PCDH11X: variants seen among roughly 807,000 people sequenced by gnomAD.
PCDH11X encodes the protein protocadherin-11 X-linked.
In PCDH11X, 18 loss-of-function variants were observed where a neutral mutation model predicts 53.3. That is an observed-to-expected ratio of 0.34 (90% CI 0.23 to 0.50). PCDH11X has a LOEUF of 0.50. Ranked by LOEUF, PCDH11X falls within the 20% of genes least tolerant of loss-of-function variation. The pLI is 0.98. For synonymous variants in PCDH11X, 279 were observed against 393.3 expected (o/e 0.71, Z 3.44); for missense variants, 570 against 1,032.4 (o/e 0.55, Z 6.14).
At chrX:91,988,038 A>T (rs992467267) in intron 6 of PCDH11X, among the ~76,000 whole-genome samples, 2 of 110,994 alleles carry the variant, frequency 1.8e-5, no homozygotes, top group Non-Finnish European at 3.8e-5. Flanking sequence ...TTAAAATTTT[A>T]AAATTTAAAA....
chrX:92,490,987 A>G (rs912420723), intron 10 of PCDH11X, among the ~76,000 whole-genome samples: 1 of 108,720 alleles, frequency 9.2e-6, no homozygotes, highest in African/African-American at 3.3e-5. Context: ...AAGGTCAACT[A>G]GAAAAAACAA....
At chrX:92,411,710 T>C (rs942718278) in intron 9 of PCDH11X, among the ~76,000 whole-genome samples, 1 of 107,358 alleles carries the variant, frequency 9.3e-6, no homozygotes, top group African/African-American at 3.4e-5. Flanking sequence ...TTCAAGTCTT[T>C]GCTTTTGTAA....
Position 92,621,413 on chromosome X carries a change from C to T in PCDH11X, c.*2473C>T, listed in dbSNP as rs1408535161. 9.2e-6 allele frequency: 1 copy of T among 109,064 alleles called. No homozygotes were observed. Among genetic ancestry groups the T allele is most frequent in the Non-Finnish European group, 1.9e-5 (1 of 52,517 alleles). The allele number at this position is 109,064 out of a possible 1,213,427, so 9.0% of individuals were successfully genotyped here. ...GAATGAACCAATACGCTTTTATTAC[C>T]CTTTCTAACTCTGATTTTATAATCA... On this transcript the variant is annotated 3_prime_UTR_variant, in exon 11 of 11. Coordinates refer to ENST00000682573, the MANE Select transcript of PCDH11X (RefSeq NM_032968.5).
intron 6 of PCDH11X, among the ~76,000 whole-genome samples, chrX:92,036,948 G>A (rs1355108599): frequency 8.9e-6 from 1 of 111,853 alleles, no homozygotes; most frequent in Non-Finnish European, 1.9e-5. Context: ...TTAGCAAGGG[G>A]ACTGGCGGTA....
At chrX:92,342,701 G>T (rs1459637580) in intron 8 of PCDH11X, among the ~76,000 whole-genome samples, 3 of 110,968 alleles carry the variant, frequency 2.7e-5, no homozygotes, top group African/African-American at 9.8e-5. Flanking sequence ...CAAAAGGGGG[G>T]AGTGAGGGAG....
chrX:92,480,824 T>C (rs1440577429), intron 10 of PCDH11X, among the ~76,000 whole-genome samples: 2 of 111,823 alleles, frequency 1.8e-5, no homozygotes, highest in Admixed American at 9.5e-5. Context: ...TGTCCTTGTT[T>C]GCATGTGCCA....
rs777607212 is a variant in PCDH11X, at chrX:91,907,150, T to C, written c.3033+27877T>C. Among the ~76,000 whole-genome samples, 258 of 111,357 alleles carry C rather than the reference T, an allele frequency of 2.3e-3. 1 individual carries two copies. Among genetic ancestry groups the C allele is most frequent in the African/African-American group, 7.8e-3 (241 of 30,752 alleles). ...ATGACTAGTGAAAGTATAAAAATTA[T>C]GTGTACTACCACACTATTTACACTA... On this transcript the variant is annotated intron_variant, in intron 6 of 10. Coordinates refer to ENST00000682573, the MANE Select transcript of PCDH11X (RefSeq NM_032968.5).
At chrX:91,975,709 C>G (rs2062036867) in intron 6 of PCDH11X, among the ~76,000 whole-genome samples, 1 of 110,781 alleles carries the variant, frequency 9.0e-6, no homozygotes, top group African/African-American at 3.3e-5. Context: ...AGAAAGCTAT[C>G]AAGCAGGGGG....
chrX:92,085,926 A>T (rs2063942741), intron 6 of PCDH11X, among the ~76,000 whole-genome samples: 1 of 112,022 alleles, frequency 8.9e-6, no homozygotes, highest in Non-Finnish European at 1.9e-5. Context: ...CCATAAGTAT[A>T]TAATACATAC....
At chrX:91,945,374 A>T (rs762806755) in intron 6 of PCDH11X, among the ~76,000 whole-genome samples, 1 of 106,846 alleles carries the variant, frequency 9.4e-6, no homozygotes, top group East Asian at 3.0e-4. Context: ...ATTTTATGAA[A>T]GCAAGAATAA....
At chrX:92,476,234 C>T (rs1359680812) in intron 10 of PCDH11X, among the ~76,000 whole-genome samples, 1 of 111,592 alleles carries the variant, frequency 9.0e-6, no homozygotes, top group South Asian at 3.8e-4. Flanking sequence ...GAGGCCTCCC[C>T]AACCACGTGG....
At chrX:92,238,947 G>GTT (rs759253348) in intron 7 of PCDH11X, among the ~76,000 whole-genome samples, 2 of 109,167 alleles carry the variant, frequency 1.8e-5, no homozygotes, top group Non-Finnish European at 3.8e-5. Context: ...TATTTTTCAT[G>GTT]TTTTTTTTTC....
chrX:92,391,276 C>T lies in PCDH11X; in HGVS notation c.3343+3343C>T, dbSNP rs182671682. Among the ~76,000 whole-genome samples, 901 of 109,522 alleles carry T rather than the reference C, an allele frequency of 8.2e-3. 10 individuals are homozygous for T. Among genetic ancestry groups the T allele is most frequent in the African/African-American group, 0.028 (854 of 30,282 alleles). On this transcript the variant is annotated intron_variant, in intron 9 of 10. Coordinates refer to ENST00000682573, the MANE Select transcript of PCDH11X (RefSeq NM_032968.5). ...TCAAAAACAGCACTATTGATTGCTGCTGGGTTACTGTGGATACTGGAACAG... is the reference window on the plus strand; with the variant it reads ...TCAAAAACAGCACTATTGATTGCTGTTGGGTTACTGTGGATACTGGAACAG...
intron 8 of PCDH11X, among the ~76,000 whole-genome samples, chrX:92,305,359 G>GTTTCTGGTGAGGCC (rs775524438): frequency 0.036 from 3,856 of 107,521 alleles, 92 homozygotes; most frequent in South Asian, 0.076. Flanking sequence ...ATTAAGTTTG[G>GTTTCTGGTGAGGCC]TTTCTGGTGA....
chrX:92,287,268 C>A (rs1390804546), intron 8 of PCDH11X, among the ~76,000 whole-genome samples: 2 of 111,044 alleles, frequency 1.8e-5, no homozygotes, highest in African/African-American at 3.3e-5. Context: ...TTTGTTGAAC[C>A]TATCAACCTG....
At chrX:92,383,968 C>T (rs2070953386) in intron 8 of PCDH11X, among the ~76,000 whole-genome samples, 2 of 111,833 alleles carry the variant, frequency 1.8e-5, no homozygotes, top group Admixed American at 1.9e-4. Flanking sequence ...CCTATTTTTC[C>T]ACATCCTCTC....
intron 6 of PCDH11X, among the ~76,000 whole-genome samples, chrX:91,914,558 C>T (rs989834776): frequency 1.4e-4 from 16 of 110,997 alleles, no homozygotes; most frequent in Non-Finnish European, 2.5e-4. Context: ...AAAGAAAATA[C>T]AATTACAACT....
At chrX:92,611,991 G>A (rs868861667) in intron 10 of PCDH11X, among the ~76,000 whole-genome samples, 1 of 104,920 alleles carries the variant, frequency 9.5e-6, no homozygotes, top group South Asian at 4.3e-4. Flanking sequence ...CAGTTTCCTA[G>A]TATATTTTTT....
At chrX:92,018,651 A>G (rs1446985636) in intron 6 of PCDH11X, among the ~76,000 whole-genome samples, 2 of 112,497 alleles carry the variant, frequency 1.8e-5, no homozygotes, top group African/African-American at 6.5e-5. Flanking sequence ...CATGCTTCAT[A>G]TAGTATCTAA....
Sources: allele counts gnomAD v4.1 joint callset (sites outside exome capture counted in the v4.1 genomes callset), GRCh38; gene constraint gnomAD v4.1.1; transcripts MANE v1.5; gene names NCBI Gene and HGNC (gene_info 2026-07-23, HGNC 2026-07-21).